CEP85L: variants seen among roughly 807,000 people sequenced by gnomAD.
CEP85L encodes centrosomal protein 85L, also known as centrosomal protein of 85 kDa-like.
A neutral mutation model predicts 100.3 loss-of-function variants in CEP85L; 60 were observed. The observed-to-expected ratio is 0.60, with a 90% CI of 0.49 to 0.74. CEP85L has a LOEUF of 0.74. Among genes scored for constraint, CEP85L ranks in the 30% least tolerant of loss-of-function variants. The probability of loss-of-function intolerance (pLI) is 0.00; values close to 1 mark genes in which losing one functional copy is unlikely to be tolerated. For missense variants in CEP85L, 973 were observed against 936.2 expected (o/e 1.04, Z -0.51); for synonymous variants, 319 against 322.7 (o/e 0.99, Z 0.12).
intron 3 of CEP85L, among the ~76,000 whole-genome samples, chr6:118,538,856 T>G (rs992019063): frequency 6.6e-6 from 1 of 152,000 alleles, no homozygotes; most frequent in African/African-American, 2.4e-5. Flanking sequence ...AGATGAAATA[T>G]AAACAGAATT....
chr6:118,496,614 A>G (rs2114637327), intron 5 of CEP85L, among the ~76,000 whole-genome samples: 1 of 152,184 alleles, frequency 6.6e-6, no homozygotes, highest in East Asian at 1.9e-4. Context: ...CGGCCTCCCA[A>G]AGTGCTGGGA....
At chr6:118,612,660 CAA>C (rs56271635) in intron 2 of CEP85L, among the ~76,000 whole-genome samples, 16 of 45,768 alleles carry the variant, frequency 3.5e-4, no homozygotes, top group Admixed American at 6.2e-4. Flanking sequence ...GACTCTGTCT[CAA>C]AAAAAAAAAA....
intron 1 of CEP85L, among the ~76,000 whole-genome samples, chr6:118,650,738 C>T (rs1775497724): frequency 6.6e-6 from 1 of 152,160 alleles, no homozygotes; most frequent in South Asian, 2.1e-4. Flanking sequence ...CTGCGCCTAC[C>T]AGAAGTCGGG....
intron 2 of CEP85L, among the ~76,000 whole-genome samples, chr6:118,567,202 T>C (rs1019126652): frequency 4.3e-5 from 4 of 92,534 alleles, no homozygotes; most frequent in African/African-American, 1.5e-4. Context: ...TGTATGAATA[T>C]ATATGTATGT....
chr6:118,532,649 G>A (rs146739869), intron 3 of CEP85L, among the ~76,000 whole-genome samples: 2 of 152,196 alleles, frequency 1.3e-5, no homozygotes, highest in East Asian at 3.9e-4. Context: ...ATTAACTCTT[G>A]AGATAGAGTA....
chr6:118,549,796 A>G (rs1230047620), intron 3 of CEP85L, among the ~76,000 whole-genome samples: 1 of 151,824 alleles, frequency 6.6e-6, no homozygotes, highest in Non-Finnish European at 1.5e-5. Flanking sequence ...TTGTATCAGA[A>G]TTTTGCTATA....
intron 3 of CEP85L, among the ~76,000 whole-genome samples, chr6:118,524,418 T>C (rs1245845215): frequency 6.6e-6 from 1 of 152,098 alleles, no homozygotes; most frequent in Non-Finnish European, 1.5e-5. Context: ...CACTCTAGCC[T>C]GGGTGACAGA....
At chr6:118,602,899 C>A (rs1174382584) in intron 2 of CEP85L, among the ~76,000 whole-genome samples, 2 of 151,962 alleles carry the variant, frequency 1.3e-5, no homozygotes, top group Non-Finnish European at 2.9e-5. Context: ...CAGCTCACTG[C>A]AACCTCCACC....
chr6:118,538,071 C>T (rs1048861306), intron 3 of CEP85L: 7 of 395,726 alleles, frequency 1.8e-5, no homozygotes, highest in Non-Finnish European at 2.4e-5. Flanking sequence ...ACTAAAAGAA[C>T]TGTGCACTTA....
intron 1 of CEP85L, among the ~76,000 whole-genome samples, chr6:118,675,496 G>A (rs1776454204): frequency 3.3e-5 from 5 of 151,696 alleles, no homozygotes; most frequent in Admixed American, 3.3e-4. Context: ...AAATTTTATG[G>A]TATCTTAAAA....
At chr6:118,554,115 C>T (rs1051883228) in intron 3 of CEP85L, among the ~76,000 whole-genome samples, 1 of 152,094 alleles carries the variant, frequency 6.6e-6, no homozygotes, top group Admixed American at 6.5e-5. Flanking sequence ...CAGTGAAACC[C>T]TGTCCCTACC....
At chr6:118,686,473 G>C (rs914994710) in intron 1 of CEP85L, among the ~76,000 whole-genome samples, 4 of 152,130 alleles carry the variant, frequency 2.6e-5, no homozygotes, top group African/African-American at 9.7e-5. Context: ...ATCATGCAAT[G>C]TGTGGTCTTC....
chr6:118,705,817 G>T (rs1272811405), intron 1 of CEP85L, among the ~76,000 whole-genome samples: 1 of 152,146 alleles, frequency 6.6e-6, no homozygotes, highest in Non-Finnish European at 1.5e-5. Context: ...AAACACTAGG[G>T]CAGAGTAACA....
intron 2 of CEP85L, among the ~76,000 whole-genome samples, chr6:118,568,064 T>A (rs1779654759): frequency 6.6e-6 from 1 of 152,076 alleles, no homozygotes; most frequent in African/African-American, 2.4e-5. Flanking sequence ...AAGATTGCAG[T>A]TTTGGAAGTA....
intron 5 of CEP85L, among the ~76,000 whole-genome samples, chr6:118,510,998 T>C (rs1271557995): frequency 1.3e-5 from 2 of 152,138 alleles, no homozygotes; most frequent in African/African-American, 4.8e-5. Context: ...CATATTCTTA[T>C]ATTTTTTTAA....
intron 2 of CEP85L, among the ~76,000 whole-genome samples, chr6:118,594,047 A>G (rs1360798361): frequency 6.6e-6 from 1 of 152,026 alleles, no homozygotes; most frequent in Non-Finnish European, 1.5e-5. Context: ...GTCTATCCCT[A>G]CCACCCTGTG....
At chr6:118,574,109 C>T (rs1241267784) in intron 2 of CEP85L, 2 of 152,210 alleles carry the variant, frequency 1.3e-5, no homozygotes, top group African/African-American at 4.8e-5. Flanking sequence ...TGTTCCTCAG[C>T]GTAATCTGTA....
intron 5 of CEP85L, among the ~76,000 whole-genome samples, chr6:118,507,316 A>C (rs925020527): frequency 4.6e-5 from 7 of 152,196 alleles, no homozygotes; most frequent in African/African-American, 1.4e-4. Flanking sequence ...TTTAATCAAC[A>C]GTCTTCTTCT....
At chr6:118,542,545 G>A (rs370187968) in intron 3 of CEP85L, among the ~76,000 whole-genome samples, 20 of 151,976 alleles carry the variant, frequency 1.3e-4, no homozygotes, top group African/African-American at 4.6e-4. Flanking sequence ...AAATTAATTC[G>A]ATCTGCCTTC....
Sources: gnomAD v4.1 joint callset for allele counts (sites outside exome capture counted in the v4.1 genomes callset) on GRCh38, gnomAD v4.1.1 for gene constraint, MANE v1.5 for transcripts, NCBI Gene and HGNC (gene_info 2026-07-23, HGNC 2026-07-21) for gene names.